Variants in ATOSA observed in about 807,000 individuals in gnomAD.
ATOSA encodes atos homolog protein A.
chr15:52,646,643 GA>G, the ATOSA span, among the ~76,000 whole-genome samples: 1 of 152,026 alleles, frequency 6.6e-6, no homozygotes, highest in Non-Finnish European at 1.5e-5. Flanking sequence ...TGAAGTGGGG[GA>G]AAAAAACCAT....
At chr15:52,610,152 A>G in the ATOSA span, 38 of 1,613,872 alleles carry the variant, frequency 2.4e-5, no homozygotes, top group Middle Eastern at 1.6e-4. Context: ...GTTCTGCTTC[A>G]TTTGGGTTAT....
chr15:52,640,584 A>AT, the ATOSA span, among the ~76,000 whole-genome samples: 1 of 147,074 alleles, frequency 6.8e-6, no homozygotes, highest in Admixed American at 6.8e-5. Context: ...AAAAAAAAAA[A>AT]AAAAAAAAAA....
the ATOSA span, among the ~76,000 whole-genome samples, chr15:52,680,682 G>A: frequency 3.9e-5 from 6 of 152,170 alleles, no homozygotes; most frequent in Admixed American, 1.3e-4. Context: ...TAATCAGAGC[G>A]GAGAGAACAT....
At chr15:52,615,705 G>A in the ATOSA span, among the ~76,000 whole-genome samples, 1 of 152,242 alleles carries the variant, frequency 6.6e-6, no homozygotes, top group South Asian at 2.1e-4. Context: ...AGAAGCCTTG[G>A]GAGTAAACTT....
At chr15:52,640,087 T>C in the ATOSA span, among the ~76,000 whole-genome samples, 2 of 152,004 alleles carry the variant, frequency 1.3e-5, no homozygotes, top group African/African-American at 4.8e-5. Context: ...TTAATCTTCA[T>C]AAAATACTAA....
the ATOSA span, among the ~76,000 whole-genome samples, chr15:52,623,774 A>C: frequency 6.6e-6 from 1 of 152,254 alleles, no homozygotes. Flanking sequence ...ACTGTCAATT[A>C]TTCTGAAGAG....
chr15:52,597,723 A>T, the ATOSA span, among the ~76,000 whole-genome samples: 1 of 152,208 alleles, frequency 6.6e-6, no homozygotes, highest in Non-Finnish European at 1.5e-5. Context: ...TGCAGTAGAA[A>T]ACTCTAAATC....
chr15:52,654,583 G>C, the ATOSA span, among the ~76,000 whole-genome samples: 2 of 152,010 alleles, frequency 1.3e-5, no homozygotes, highest in African/African-American at 4.8e-5. Context: ...TGCTCCTCCG[G>C]AACACACTTA....
the ATOSA span, among the ~76,000 whole-genome samples, chr15:52,674,407 C>T: frequency 6.6e-6 from 1 of 152,114 alleles, no homozygotes; most frequent in East Asian, 1.9e-4. Context: ...ACACACAGGT[C>T]TAGAACCAGG....
chr15:52,641,492 G>T, the ATOSA span, among the ~76,000 whole-genome samples: 1 of 152,198 alleles, frequency 6.6e-6, no homozygotes, highest in Non-Finnish European at 1.5e-5. Context: ...TTCTAAAAAA[G>T]GGGGTGATGG....
the ATOSA span, among the ~76,000 whole-genome samples, chr15:52,608,092 G>C: frequency 2.0e-5 from 3 of 151,948 alleles, no homozygotes; most frequent in African/African-American, 7.3e-5. Flanking sequence ...GTCTCACTAT[G>C]TTGCCCAGGC....
At chr15:52,673,490 CAG>C in the ATOSA span, among the ~76,000 whole-genome samples, 1 of 152,182 alleles carries the variant, frequency 6.6e-6, no homozygotes, top group Admixed American at 6.5e-5. Flanking sequence ...ATCCATAAAA[CAG>C]AGATGACAAT....
chr15:52,654,664 T>C, the ATOSA span, among the ~76,000 whole-genome samples: 1 of 152,034 alleles, frequency 6.6e-6, no homozygotes, highest in Non-Finnish European at 1.5e-5. Flanking sequence ...GGGAAACAAA[T>C]AGGATAGTAG....
chr15:52,639,173 T>C, the ATOSA span, among the ~76,000 whole-genome samples: 2 of 151,948 alleles, frequency 1.3e-5, no homozygotes, highest in African/African-American at 4.8e-5. Context: ...AGTATGAATA[T>C]ACTTACAAGT....
At chr15:52,673,076 G>T in the ATOSA span, among the ~76,000 whole-genome samples, 13,386 of 152,188 alleles carry the variant, frequency 0.088, 942 homozygotes, top group East Asian at 0.34. Context: ...CTAACTGACT[G>T]GTTTCTTCTT....
the ATOSA span, among the ~76,000 whole-genome samples, chr15:52,675,134 T>G: frequency 6.6e-6 from 1 of 152,192 alleles, no homozygotes; most frequent in Non-Finnish European, 1.5e-5. Context: ...ACCCAAGTAA[T>G]GTTATATTAT....
At chr15:52,615,015 CTT>C in the ATOSA span, among the ~76,000 whole-genome samples, 18 of 152,122 alleles carry the variant, frequency 1.2e-4, no homozygotes, top group African/African-American at 3.1e-4. Context: ...GCATGTTTCT[CTT>C]TCTCTCCCCC....
chr15:52,681,539 T>C, the ATOSA span, among the ~76,000 whole-genome samples: 1 of 152,182 alleles, frequency 6.6e-6, no homozygotes, highest in East Asian at 1.9e-4. Flanking sequence ...AAATAATGAC[T>C]TGAAATGGCA....
the ATOSA span, among the ~76,000 whole-genome samples, chr15:52,697,594 A>T: frequency 6.6e-6 from 1 of 152,230 alleles, no homozygotes; most frequent in Admixed American, 6.5e-5. Context: ...CAGTTTTCTT[A>T]TAACCTTTAG....
Sources: gnomAD v4.1 joint callset for allele counts (sites outside exome capture counted in the v4.1 genomes callset) on GRCh38, gnomAD v4.1.1 for gene constraint, MANE v1.5 for transcripts, NCBI Gene and HGNC (gene_info 2026-07-23, HGNC 2026-07-21) for gene names.